PCDHA11: variants seen among roughly 807,000 people sequenced by gnomAD.
The protein encoded by PCDHA11 is protocadherin alpha-11.
Under a neutral mutation model 70.3 loss-of-function variants are expected in PCDHA11, and 61 were observed. That is an observed-to-expected ratio of 0.87 (90% CI 0.71 to 1.07). The LOEUF is 1.07. Ranked by LOEUF, PCDHA11 falls within the 50% of genes least tolerant of loss-of-function variation. PCDHA11 has a pLI of 0.00. For missense variants in PCDHA11, 1,324 were observed against 1,237.5 expected (o/e 1.07, Z -1.05); for synonymous variants, 633 against 555.1 (o/e 1.14, Z -1.97).
At chr5:140,876,838 G>C in intron 1 of PCDHA11, 1 of 1,614,140 alleles carries the variant, frequency 6.2e-7, no homozygotes, top group Non-Finnish European at 8.5e-7. Flanking sequence ...GCCTGCGTTC[G>C]CGCAGCCCGA....
At chr5:140,881,373 AGCCG>A in intron 1 of PCDHA11, 2 of 985,074 alleles carry the variant, frequency 2.0e-6, no homozygotes, top group Non-Finnish European at 2.4e-6. Flanking sequence ...TATGAATTGC[AGCCG>A]GCGGCGGTAA....
At chr5:140,903,470 C>T (rs1425928113) in intron 1 of PCDHA11, among the ~76,000 whole-genome samples, 2 of 152,140 alleles carry the variant, frequency 1.3e-5, no homozygotes, top group Non-Finnish European at 2.9e-5. Context: ...AATATTATTC[C>T]TTGCATTATA....
chr5:140,972,700 T>C (rs1353443535), intron 1 of PCDHA11, among the ~76,000 whole-genome samples: 3 of 147,702 alleles, frequency 2.0e-5, no homozygotes, highest in African/African-American at 7.5e-5. Context: ...AGTCTCACTC[T>C]GTTGCCAGGC....
intron 1 of PCDHA11, among the ~76,000 whole-genome samples, chr5:140,949,857 G>A (rs1554219193): frequency 6.6e-6 from 1 of 151,520 alleles, no homozygotes; most frequent in East Asian, 1.9e-4. Context: ...CCGCTTATCT[G>A]TTGTCTTTTG....
chr5:140,982,475 C>T lies in PCDHA11; in HGVS notation c.2451C>T (p.Ser817=). The change falls in exon 3 of 4, where the codon AGC becomes AGT. Residue 817 remains serine, a splice_region_variant and synonymous_variant. Coordinates refer to ENST00000398640, the MANE Select transcript of PCDHA11 (RefSeq NM_018902.5). ...TATCTGGGTCTGTGTGTTTATTCAG[C>T]TCTGTGCACCTAGAGGAGGCTGGCA... The part of the protein sequence containing the change: ...YSASLRAGMH[S]SVHLEEAGIL... 1 of 1,614,154 alleles carries T rather than the reference C, an allele frequency of 6.2e-7. No homozygotes were observed. Among genetic ancestry groups the T allele is most frequent in the African/African-American group, 1.3e-5 (1 of 75,040 alleles).
At chr5:140,980,350 G>T (rs1382723470) in intron 2 of PCDHA11, among the ~76,000 whole-genome samples, 1 of 152,128 alleles carries the variant, frequency 6.6e-6, no homozygotes, top group Admixed American at 6.5e-5. Context: ...TAACTTCCTG[G>T]ACTGGGCGCG....
chr5:140,979,002 G>A lies in PCDHA11; in HGVS notation c.2445G>A (p.Met815Ile). 6.2e-7 allele frequency: 1 copy of A among 1,614,130 alleles called. No homozygotes were observed. The highest frequency in any genetic ancestry group is 8.5e-7 in the Non-Finnish European group (1 of 1,180,014). ...WRYSASLRAG[M>I]HSSVHLEEAG... ...ACTCTGCCTCCCTGAGAGCAGGCAT[G>A]CACAGGTATGTATTTCCCTCCTCAT... The change falls in exon 2 of 4, where the codon ATG becomes ATA. Residue 815 changes from methionine (M) to isoleucine (I), a missense_variant. Transcript: ENST00000398640.
intron 1 of PCDHA11, among the ~76,000 whole-genome samples, chr5:140,872,376 C>T (rs1270470575): frequency 1.3e-5 from 2 of 152,128 alleles, no homozygotes; most frequent in Non-Finnish European, 2.9e-5. Flanking sequence ...CCTGTAATCC[C>T]AGCTATTTGG....
chr5:140,966,906 C>A, intron 1 of PCDHA11: 1 of 1,600,938 alleles, frequency 6.2e-7, no homozygotes, highest in African/African-American at 1.3e-5. Flanking sequence ...CTGCGATACT[C>A]TGTGCCAGAG....
Position 141,000,690 on chromosome 5 carries a change from A to G in PCDHA11, c.2540-8937A>G, listed in dbSNP as rs550187550. On this transcript the variant is annotated intron_variant, in intron 3 of 3. Transcript: ENST00000398640. The stretch of plus-strand genomic sequence containing the variant: ...TGATCCACCTGCCTCTGCCTCCCAA[A>G]GTGCTGGGATTACAGGCATGAGCCA... 4.2e-3 allele frequency among the ~76,000 whole-genome samples: 638 copies of G among 151,554 alleles called. 1 individual carries two copies. The highest frequency in any genetic ancestry group is 7.2e-3 in the Non-Finnish European group (489 of 67,874).
chr5:140,951,237 T>G (rs1405165070), intron 1 of PCDHA11, among the ~76,000 whole-genome samples: 2 of 152,200 alleles, frequency 1.3e-5, no homozygotes, highest in African/African-American at 4.8e-5. Flanking sequence ...GTCTTTACCT[T>G]TAGGAATGCA....
intron 1 of PCDHA11, among the ~76,000 whole-genome samples, chr5:140,974,319 G>A (rs781949857): frequency 1.8e-4 from 27 of 152,198 alleles, no homozygotes; most frequent in Non-Finnish European, 3.5e-4. Flanking sequence ...TGAGAGAGTA[G>A]CTGCTGTGCT....
chr5:140,888,628 T>C (rs2061913275), intron 1 of PCDHA11, among the ~76,000 whole-genome samples: 1 of 152,242 alleles, frequency 6.6e-6, no homozygotes, highest in Admixed American at 6.5e-5. Flanking sequence ...TTCGGCCTTC[T>C]ATTACAGCAA....
At chr5:140,888,037 A>T (rs547880007) in intron 1 of PCDHA11, among the ~76,000 whole-genome samples, 8 of 152,186 alleles carry the variant, frequency 5.3e-5, no homozygotes, top group Non-Finnish European at 1.0e-4. Flanking sequence ...ATATTAGTAC[A>T]TGTATAATAG....
chr5:140,927,838 G>C, intron 1 of PCDHA11: 1 of 1,614,210 alleles, frequency 6.2e-7, no homozygotes, highest in Non-Finnish European at 8.5e-7. Context: ...GAGGGACGAA[G>C]GTGTCTTTGG....
intron 1 of PCDHA11, chr5:140,926,622 G>A: frequency 2.5e-6 from 1 of 396,424 alleles, no homozygotes. Context: ...CCCCTAGGCG[G>A]CGCTGCGCTC....
rs148479176 is a variant in PCDHA11, at chr5:140,884,341, G to A, written c.2391+12847G>A. 6.0e-4 allele frequency: 973 copies of A among 1,613,910 alleles called. 19 individuals carry two copies. In the South Asian group the frequency reaches 7.4e-3, roughly 12 times the overall value. On this transcript the variant is annotated intron_variant, in intron 1 of 3. Transcript: ENST00000398640. ...CGGCAGGCGCTGTGGGTCCAGAAGC[G>A]GCGCTGGTGGATGTCAATGTTTACT...
intron 1 of PCDHA11, among the ~76,000 whole-genome samples, chr5:140,910,353 A>G (rs938677700): frequency 1.1e-4 from 16 of 152,306 alleles, no homozygotes; most frequent in African/African-American, 3.8e-4. Context: ...TCTGCTGTCC[A>G]TTATGGTAGC....
At chr5:141,004,213 GGTCA>G (rs3842022) in intron 3 of PCDHA11, among the ~76,000 whole-genome samples, 2 of 152,208 alleles carry the variant, frequency 1.3e-5, no homozygotes, top group East Asian at 3.8e-4. Context: ...CAGATTAGGA[GGTCA>G]GTCAGTGTTT....
Sources: gnomAD v4.1 joint callset for allele counts (sites outside exome capture counted in the v4.1 genomes callset) on GRCh38, gnomAD v4.1.1 for gene constraint, MANE v1.5 for transcripts, NCBI Gene and HGNC (gene_info 2026-07-23, HGNC 2026-07-21) for gene names.